Variants in FBXO31 observed in about 807,000 individuals in gnomAD.
FBXO31 encodes F-box only protein 31.
A neutral mutation model predicts 54.4 loss-of-function variants in FBXO31; 24 were observed. The observed-to-expected ratio is 0.44, with a 90% CI of 0.32 to 0.62. FBXO31 has a LOEUF of 0.62. Ranked by LOEUF, FBXO31 falls within the 20% of genes least tolerant of loss-of-function variation. The pLI is 0.05. For missense variants in FBXO31, 665 were observed against 787.1 expected (o/e 0.84, Z 1.86); for synonymous variants, 388 against 335.6 (o/e 1.16, Z -1.71).
At chr16:87,365,712 A>T (rs1262102930) in intron 1 of FBXO31, among the ~76,000 whole-genome samples, 1 of 152,230 alleles carries the variant, frequency 6.6e-6, no homozygotes, top group Non-Finnish European at 1.5e-5. Flanking sequence ...CTCTTAGTTG[A>T]CAATGTATGA....
chr16:87,370,844 G>A (rs1327641688), intron 1 of FBXO31, among the ~76,000 whole-genome samples: 2 of 152,184 alleles, frequency 1.3e-5, no homozygotes, highest in African/African-American at 4.8e-5. Flanking sequence ...GTTTGTACTT[G>A]CGCTAAATTA....
intron 2 of FBXO31, among the ~76,000 whole-genome samples, chr16:87,359,273 C>T (rs1407406341): frequency 6.6e-6 from 1 of 152,194 alleles, no homozygotes; most frequent in Non-Finnish European, 1.5e-5. Context: ...CTTCTGTGCC[C>T]ACCCCCTGCC....
At chr16:87,356,549 C>T (rs4843238) in intron 2 of FBXO31, among the ~76,000 whole-genome samples, 31,073 of 152,090 alleles carry the variant, frequency 0.2, 3,816 homozygotes, top group African/African-American at 0.34. Context: ...CAAGGCAGTG[C>T]TGTTAGCAGG....
At chr16:87,353,697 C>T (rs983109774) in intron 2 of FBXO31, among the ~76,000 whole-genome samples, 1 of 151,052 alleles carries the variant, frequency 6.6e-6, no homozygotes, top group Non-Finnish European at 1.5e-5. Flanking sequence ...AAGGAGGCTC[C>T]GCAAGACCCT....
upstream of FBXO31, among the ~76,000 whole-genome samples, chr16:87,387,232 C>G (rs1907353904): frequency 6.6e-6 from 1 of 152,178 alleles, no homozygotes; most frequent in African/African-American, 2.4e-5. Context: ...CAGAAAACTA[C>G]TACACATTGA....
At chr16:87,333,528 T>C (rs1904936062) in intron 8 of FBXO31, among the ~76,000 whole-genome samples, 1 of 152,256 alleles carries the variant, frequency 6.6e-6, no homozygotes, top group Admixed American at 6.5e-5. Context: ...TGCTGGACAG[T>C]TTACATGATA....
At position 87,338,674 on chromosome 16, in the gene FBXO31, T is replaced by A. The variant is rs1006040983; in HGVS notation, c.733-2410A>T. ...GGGTACAAGGAATGGCCTCCCGGGG[T>A]GGGGGTGACCCACACAGAGATGCAG... On this transcript the variant is annotated intron_variant, in intron 5 of 8. Coordinates refer to ENST00000311635, the MANE Select transcript of FBXO31 (RefSeq NM_024735.5). The surrounding 1 kb of genome is among the most constrained non-coding windows in gnomAD (Gnocchi z 4.3). Among the ~76,000 whole-genome samples, 1 of 151,752 alleles carries A rather than the reference T, an allele frequency of 6.6e-6. No individual in the cohort carries two copies.
chr16:87,370,982 C>T (rs1212740670), intron 1 of FBXO31, among the ~76,000 whole-genome samples: 2 of 152,168 alleles, frequency 1.3e-5, no homozygotes, highest in African/African-American at 4.8e-5. Context: ...CCAAGAACAG[C>T]GCCCCAACTG....
In FBXO31 at chr16:87,335,257, G is replaced by A. The variant is rs769681961; in HGVS notation, c.996+47C>T. 6.8e-5 allele frequency: 109 copies of A among 1,607,546 alleles called. 1 individual carries two copies. The highest frequency in any genetic ancestry group is 3.5e-4 in the Middle Eastern group (2 of 5,658). On this transcript the variant is annotated intron_variant, in intron 7 of 8. Transcript: ENST00000311635. The surrounding 1 kb of genome is among the most constrained non-coding windows in gnomAD (Gnocchi z 5.7). ...GTTCCCTGACTCCACAGCCCACTTG[G>A]GCCAGGTGCCCCCAGAGCCCCACCA...
intron 5 of FBXO31, among the ~76,000 whole-genome samples, chr16:87,339,069 TG>T (rs1166185707): frequency 4.6e-5 from 7 of 152,324 alleles, no homozygotes; most frequent in Middle Eastern, 3.4e-3. Context: ...CCCAGCCACA[TG>T]GAACTGTGAG....
At chr16:87,341,161 C>T (rs947901757) in intron 5 of FBXO31, among the ~76,000 whole-genome samples, 1 of 152,216 alleles carries the variant, frequency 6.6e-6, no homozygotes, top group African/African-American at 2.4e-5. Context: ...CCACAAGGAG[C>T]ACATGTTGTT....
At chr16:87,362,991 G>C (rs1447473278) in intron 1 of FBXO31, among the ~76,000 whole-genome samples, 3 of 152,224 alleles carry the variant, frequency 2.0e-5, no homozygotes, top group Admixed American at 6.5e-5. Flanking sequence ...ATGAGGAGCT[G>C]ACATGCAGCA....
chr16:87,391,469 A>T (rs751109406), upstream of FBXO31: 2 of 152,264 alleles, frequency 1.3e-5, no homozygotes, highest in Non-Finnish European at 2.9e-5. Context: ...AGACTCAAAA[A>T]CTGTCACTAG....
Position 87,329,407 on chromosome 16 carries a change from G to A in FBXO31, c.*1881C>T, listed in dbSNP as rs1330245331. ...GTGCTCTTCAAGCCCCAAAGGGCAC[G>A]CCTCTAGGACTGCGTCCCTTAGAGC... On this transcript the variant is annotated 3_prime_UTR_variant, in exon 9 of 9. Coordinates refer to ENST00000311635, the MANE Select transcript of FBXO31 (RefSeq NM_024735.5). The A allele has an allele frequency of 2.6e-5, 4 of 152,394 alleles. No individual in the cohort carries two copies. Among genetic ancestry groups the A allele is most frequent in the African/African-American group, 9.6e-5 (4 of 41,588 alleles). The allele number at this position is 152,394 out of a possible 1,614,324, so 9.4% of individuals were successfully genotyped here.
At chr16:87,344,493 G>T (rs540969420) in intron 3 of FBXO31, among the ~76,000 whole-genome samples, 11 of 152,204 alleles carry the variant, frequency 7.2e-5, no homozygotes, top group Non-Finnish European at 1.5e-4. Flanking sequence ...TTCTGGGAGA[G>T]CTGGGACCCA....
chr16:87,383,046 C>G lies in FBXO31; in HGVS notation c.340+359G>C, dbSNP rs1187169351. On this transcript the variant is annotated intron_variant, in intron 1 of 8. Transcript: ENST00000311635. The surrounding 1 kb of genome is among the most constrained non-coding windows in gnomAD (Gnocchi z 4.9). ...GGCCCCCAGGCGTCAGCTTAGGCCCCGCGCAGACCTCGAGGGATCCCAGCC... is the reference window on the plus strand; with the variant it reads ...GGCCCCCAGGCGTCAGCTTAGGCCCGGCGCAGACCTCGAGGGATCCCAGCC... Among the ~76,000 whole-genome samples, 1 of 152,148 alleles carries G rather than the reference C, an allele frequency of 6.6e-6. No homozygotes were observed. Among genetic ancestry groups the G allele is most frequent in the Non-Finnish European group, 1.5e-5 (1 of 68,000 alleles).
At chr16:87,332,547 A>G (rs142892094) in intron 8 of FBXO31, among the ~76,000 whole-genome samples, 2,324 of 152,270 alleles carry the variant, frequency 0.015, 44 homozygotes, top group Non-Finnish European at 0.021. Flanking sequence ...ACACTCCAAC[A>G]CTATTTGTAT....
At chr16:87,360,738 C>A (rs770174411) in intron 1 of FBXO31, among the ~76,000 whole-genome samples, 3 of 152,258 alleles carry the variant, frequency 2.0e-5, no homozygotes, top group Admixed American at 1.3e-4. Flanking sequence ...AAATTCACCA[C>A]TGGTGTTAGG....
chr16:87,343,414 G>A (rs553380255), intron 4 of FBXO31, among the ~76,000 whole-genome samples, 184 bp downstream of exon 4: 35 of 152,388 alleles, frequency 2.3e-4, no homozygotes, highest in Admixed American at 1.2e-3. Flanking sequence ...GCAAGTGACC[G>A]CTGCAGAGTC....
Sources: gnomAD v4.1 joint callset for allele counts (sites outside exome capture counted in the v4.1 genomes callset) on GRCh38, gnomAD v4.1.1 for gene constraint, Gnocchi (gnomAD v3.1) non-coding constraint, MANE v1.5 for transcripts, NCBI Gene and HGNC (gene_info 2026-07-23, HGNC 2026-07-21) for gene names.